Variants in HS3ST5 observed in about 807,000 individuals in gnomAD.
HS3ST5 encodes the protein heparan sulfate-glucosamine 3-sulfotransferase 5.
In HS3ST5, 10 loss-of-function variants were observed where a neutral mutation model predicts 25.4. The ratio of observed to expected loss-of-function variants is 0.39; its 90% CI spans 0.24 to 0.67. The LOEUF is 0.67. Among genes scored for constraint, HS3ST5 ranks in the 30% least tolerant of loss-of-function variants. HS3ST5 has a pLI of 0.44. For synonymous variants in HS3ST5, 170 were observed against 162.4 expected (o/e 1.05, Z -0.36); for missense variants, 324 against 420.7 (o/e 0.77, Z 2.01).
intron 2 of HS3ST5, among the ~76,000 whole-genome samples, chr6:114,191,819 T>C (rs117639105): frequency 0.014 from 2,179 of 152,274 alleles, 37 homozygotes; most frequent in Non-Finnish European, 0.021. Context: ...GACCGCTTGA[T>C]TAGATTCCTT....
intron 3 of HS3ST5, among the ~76,000 whole-genome samples, chr6:114,101,663 CAG>C (rs1284954688): frequency 6.6e-6 from 1 of 152,156 alleles, no homozygotes; most frequent in African/African-American, 2.4e-5. Flanking sequence ...CAACTTAAAA[CAG>C]AATTATCATT....
chr6:114,130,560 C>A (rs1281642194), intron 3 of HS3ST5, among the ~76,000 whole-genome samples: 2 of 151,964 alleles, frequency 1.3e-5, no homozygotes, highest in Non-Finnish European at 2.9e-5. Flanking sequence ...AAATACAGAC[C>A]CTGTTGTTAC....
intron 1 of HS3ST5, chr6:114,239,311 G>T (rs1490211516): frequency 1.3e-5 from 2 of 152,216 alleles, no homozygotes; most frequent in South Asian, 4.1e-4. Context: ...TTTTTCAGCA[G>T]CTCGAATCAA....
chr6:114,061,862 A>C (rs934892689), intron 4 of HS3ST5, among the ~76,000 whole-genome samples: 4 of 152,118 alleles, frequency 2.6e-5, no homozygotes, highest in Non-Finnish European at 5.9e-5. Context: ...GCAGGAGAAT[A>C]GTTTGAACAT....
At chr6:114,270,377 C>T (rs1425663815) in intron 1 of HS3ST5, among the ~76,000 whole-genome samples, 2 of 151,952 alleles carry the variant, frequency 1.3e-5, no homozygotes, top group Non-Finnish European at 2.9e-5. Context: ...AAAAAAAATC[C>T]ATTAAAAAAT....
intron 2 of HS3ST5, among the ~76,000 whole-genome samples, chr6:114,180,808 A>G (rs993662770): frequency 6.6e-5 from 10 of 152,192 alleles, no homozygotes; most frequent in African/African-American, 1.7e-4. Context: ...CTCCAAATAC[A>G]TTGCTGAGGT....
intron 1 of HS3ST5, among the ~76,000 whole-genome samples, chr6:114,309,453 C>T (rs1171243383): frequency 6.6e-6 from 1 of 152,150 alleles, no homozygotes; most frequent in Non-Finnish European, 1.5e-5. Flanking sequence ...TGGCTCACAC[C>T]TATAATGCCA....
At chr6:114,197,128 CTT>C (rs201077147) in intron 2 of HS3ST5, among the ~76,000 whole-genome samples, 285 of 142,430 alleles carry the variant, frequency 2.0e-3, no homozygotes, top group African/African-American at 5.9e-3. Context: ...TTCTTTCTTT[CTT>C]TTTTTTTTTT....
intron 1 of HS3ST5, among the ~76,000 whole-genome samples, chr6:114,243,496 T>A (rs141249476): frequency 1.3e-5 from 2 of 151,516 alleles, no homozygotes; most frequent in African/African-American, 4.8e-5. Flanking sequence ...ATCATGGGGG[T>A]TTTTAAAGTA....
At chr6:114,202,870 G>T (rs1210383079) in intron 2 of HS3ST5, among the ~76,000 whole-genome samples, 6 of 152,120 alleles carry the variant, frequency 3.9e-5, no homozygotes, top group Admixed American at 2.0e-4. Flanking sequence ...AATGAAAACT[G>T]AAGTCATAAT....
intron 2 of HS3ST5, among the ~76,000 whole-genome samples, chr6:114,199,476 G>T (rs1334839393): frequency 6.6e-6 from 1 of 152,030 alleles, no homozygotes; most frequent in African/African-American, 2.4e-5. Flanking sequence ...TTCTCCTTTG[G>T]TATTTGATAA....
At chr6:114,234,824 A>G (rs996391902) in intron 1 of HS3ST5, among the ~76,000 whole-genome samples, 7 of 152,190 alleles carry the variant, frequency 4.6e-5, no homozygotes, top group African/African-American at 1.7e-4. Context: ...TTCTAAAATT[A>G]TAGCACAAAC....
At chr6:114,231,194 A>T (rs986834328) in intron 1 of HS3ST5, among the ~76,000 whole-genome samples, 1 of 152,174 alleles carries the variant, frequency 6.6e-6, no homozygotes, top group Non-Finnish European at 1.5e-5. Context: ...CTAAACCCAT[A>T]AAAACCTTCC....
chr6:114,242,414 T>C (rs564827622), intron 1 of HS3ST5, among the ~76,000 whole-genome samples: 6 of 152,198 alleles, frequency 3.9e-5, no homozygotes, highest in Non-Finnish European at 8.8e-5. Context: ...AAATGAATAA[T>C]GAGTAAATGA....
At chr6:114,297,289 A>C (rs1360846602) in intron 1 of HS3ST5, among the ~76,000 whole-genome samples, 1 of 152,174 alleles carries the variant, frequency 6.6e-6, no homozygotes, top group Admixed American at 6.5e-5. Context: ...CTGCCTTCAC[A>C]GGGCTCCGGT....
At chr6:114,245,805 C>T (rs9488351) in intron 1 of HS3ST5, among the ~76,000 whole-genome samples, 104 of 152,320 alleles carry the variant, frequency 6.8e-4, no homozygotes, top group African/African-American at 2.5e-3. Flanking sequence ...CACCAACAAA[C>T]TAGACAGGCG....
At chr6:114,335,369 A>G (rs1470436593) in intron 1 of HS3ST5, among the ~76,000 whole-genome samples, 9 of 152,116 alleles carry the variant, frequency 5.9e-5, no homozygotes, top group Admixed American at 5.9e-4. Flanking sequence ...AGTTATTCAC[A>G]TTTAGTGACC....
intron 2 of HS3ST5, among the ~76,000 whole-genome samples, chr6:114,200,246 G>GACAAA (rs1562235346): frequency 3.3e-5 from 5 of 152,046 alleles, no homozygotes; most frequent in African/African-American, 1.2e-4. Context: ...AAAACAAAAT[G>GACAAA]AGGTTTGTTT....
rs34349763 is a variant in HS3ST5 at position 114,247,989 on chromosome 6, C to T, written c.-338-19211G>A. 5.7e-3 allele frequency among the ~76,000 whole-genome samples: 870 copies of T among 151,754 alleles called. 5 individuals are homozygous for T. Among genetic ancestry groups the T allele is most frequent in the South Asian group, 0.019 (89 of 4,800 alleles). ...CTGAGGCAGGTGGGTCACCTGAGGT[C>T]AGGAGTTCGAGACCAGCCCAGCCAA... On this transcript the variant is annotated intron_variant, in intron 1 of 4. Coordinates refer to ENST00000312719, the MANE Select transcript of HS3ST5 (RefSeq NM_153612.4).
Sources: allele counts gnomAD v4.1 joint callset (sites outside exome capture counted in the v4.1 genomes callset), GRCh38; gene constraint gnomAD v4.1.1; transcripts MANE v1.5; gene names NCBI Gene and HGNC (gene_info 2026-07-23, HGNC 2026-07-21).